The following STARD3 variants were observed in gnomAD, a reference collection of about 807,000 sequenced individuals.
The protein encoded by STARD3 is stAR-related lipid transfer protein 3.
Under a neutral mutation model 62.0 loss-of-function variants are expected in STARD3, and 39 were observed. The ratio of observed to expected loss-of-function variants is 0.63; its 90% CI spans 0.49 to 0.82. The LOEUF (loss-of-function observed/expected upper bound fraction) is 0.82. Ranked by LOEUF, STARD3 falls within the 40% of genes least tolerant of loss-of-function variation. STARD3 has a pLI of 0.00. For synonymous variants in STARD3, 229 were observed against 242.4 expected (o/e 0.94, Z 0.51); for missense variants, 543 against 584.5 (o/e 0.93, Z 0.73).
At chr17:39,658,166 T>C in intron 5 of STARD3, 140 bp downstream of exon 5, 1 of 1,027,462 alleles carries the variant, frequency 9.7e-7, no homozygotes, top group Admixed American at 2.0e-5. Context: ...CTTTGGTATC[T>C]ATAAGGAATC....
Position 39,642,840 on chromosome 17 carries a change from G to A in STARD3, c.-52+5609G>A, listed in dbSNP as rs940551662. Among the ~76,000 whole-genome samples, 7 of 152,252 alleles carry A rather than the reference G, an allele frequency of 4.6e-5. No individual in the cohort carries two copies. The East Asian group carries it at 1.2e-3, about 25-fold the overall frequency. On this transcript the variant is annotated intron_variant, in intron 1 of 14. Transcript: ENST00000336308. ...TGCAAAGACCTGGGGAGGAGCTCCC[G>A]ACAGAGCAGCAGGTGCAAGGGCCCT...
In STARD3 at chr17:39,658,391, C is replaced by T. The variant is rs2057155455; in HGVS notation, c.430-14C>T. The T allele has an allele frequency of 6.2e-7, 1 of 1,611,358 alleles. No individual in the cohort carries two copies. The highest frequency in any genetic ancestry group is 8.5e-7 in the Non-Finnish European group (1 of 1,177,806). On this transcript the variant is annotated splice_polypyrimidine_tract_variant and intron_variant, in intron 5 of 14. Transcript: ENST00000336308. ...GTGACCCCTGCCATGGAGCTCAGCC[C>T]CCTCCCTTCACAGCTGCTCAGCAAA...
intron 9 of STARD3, chr17:39,659,919 C>A: frequency 1.8e-6 from 1 of 546,648 alleles, no homozygotes. Flanking sequence ...GCCCCAGTCC[C>A]TCTCTCTGGC....
At chr17:39,652,235 G>T in intron 1 of STARD3, among the ~76,000 whole-genome samples, 1 of 152,172 alleles carries the variant, frequency 6.6e-6, no homozygotes, top group Middle Eastern at 3.2e-3. Flanking sequence ...CCCTGTTCCT[G>T]TCTGTTATGT....
chr17:39,642,385 C>T (rs931824618), intron 1 of STARD3, among the ~76,000 whole-genome samples: 5 of 152,174 alleles, frequency 3.3e-5, no homozygotes, highest in African/African-American at 9.7e-5. Flanking sequence ...GGGCTCTGGG[C>T]AGGGAAGACC....
intron 5 of STARD3, 58 bp from the exon 6 acceptor site, chr17:39,658,347 A>G (rs761845948): frequency 6.6e-7 from 1 of 1,514,426 alleles, no homozygotes; most frequent in Non-Finnish European, 9.1e-7. Context: ...TAGCCACAGA[A>G]GGGGGCTCTG....
intron 2 of STARD3, 51 bp from the exon 3 acceptor site, chr17:39,656,957 C>T (rs1327467243): frequency 1.3e-6 from 2 of 1,592,342 alleles, no homozygotes; most frequent in Non-Finnish European, 1.7e-6. Flanking sequence ...TGAGGGGCAG[C>T]CCCAGGCCCT....
intron 1 of STARD3, among the ~76,000 whole-genome samples, chr17:39,648,028 G>A (rs2057042752): frequency 6.6e-6 from 1 of 152,070 alleles, no homozygotes; most frequent in Non-Finnish European, 1.5e-5. Flanking sequence ...GCTCACACCT[G>A]TAATCCCAGC....
Position 39,653,755 on chromosome 17 carries a change from G to A in STARD3, c.219+5G>A. 6.2e-7 allele frequency: 1 copy of A among 1,613,942 alleles called. No individual in the cohort carries two copies. The highest frequency in any genetic ancestry group is 1.1e-5 in the South Asian group (1 of 91,088). On this transcript the variant is annotated splice_donor_5th_base_variant and intron_variant, in intron 2 of 14. Coordinates refer to ENST00000336308, the MANE Select transcript of STARD3 (RefSeq NM_006804.4). ...CTCTGGATCATCGAACTGAATGTGA[G>A]TGGGGGCGAGGTGGGGGCACAGGCC...
intron 8 of STARD3, 43 bp from the exon 9 acceptor site, chr17:39,659,418 C>A: frequency 6.3e-7 from 1 of 1,578,368 alleles, no homozygotes. Context: ...TGGTGGACTG[C>A]AGGCCCCAGG....
At chr17:39,649,473 A>G (rs2057056394) in intron 1 of STARD3, among the ~76,000 whole-genome samples, 1 of 152,252 alleles carries the variant, frequency 6.6e-6, no homozygotes. Flanking sequence ...ACAATGTAAA[A>G]CTGACATGGA....
intron 1 of STARD3, among the ~76,000 whole-genome samples, chr17:39,640,510 C>T (rs1597786206): frequency 6.7e-6 from 1 of 149,840 alleles, no homozygotes; most frequent in Admixed American, 6.6e-5. Context: ...TCCATCCCCC[C>T]AACCCCCCCA....
intron 2 of STARD3, among the ~76,000 whole-genome samples, chr17:39,654,389 G>A (rs1225723828): frequency 6.6e-6 from 1 of 152,176 alleles, no homozygotes. Flanking sequence ...GTGACAGAGT[G>A]AGACCCTGAC....
At chr17:39,658,167 A>G (rs757125717) in intron 5 of STARD3, 141 bp downstream of exon 5, 15 of 1,013,606 alleles carry the variant, frequency 1.5e-5, no homozygotes, top group South Asian at 5.6e-5. Flanking sequence ...TTTGGTATCT[A>G]TAAGGAATCA....
chr17:39,660,695 C>T lies in STARD3; in HGVS notation c.955-115C>T, dbSNP rs118144107. The T allele has an allele frequency of 0.016, 22,542 of 1,380,984 alleles. 250 individuals are homozygous for T. Among genetic ancestry groups the T allele is most frequent in the Non-Finnish European group, 0.02 (19,707 of 994,722 alleles). 85.5% of individuals were successfully genotyped at this position (1,380,984 alleles called of 1,614,324 possible). A position where few individuals can be genotyped will look rare whatever the true frequency, so the allele number is the denominator to read the frequency against. ...GAGGGCAGGAGGAGTGCTCATCAGGCGCTGCCCAGGGCCTGCCTGTGGCAA... is the reference window on the plus strand; with the variant it reads ...GAGGGCAGGAGGAGTGCTCATCAGGTGCTGCCCAGGGCCTGCCTGTGGCAA... On this transcript the variant is annotated intron_variant, in intron 11 of 14. Coordinates refer to ENST00000336308, the MANE Select transcript of STARD3 (RefSeq NM_006804.4). This position sits in a 1 kb window ranked among gnomAD's most constrained non-coding sequence, Gnocchi z 4.8.
chr17:39,642,915 G>A (rs1335593571), intron 1 of STARD3, among the ~76,000 whole-genome samples: 1 of 152,056 alleles, frequency 6.6e-6, no homozygotes, highest in Non-Finnish European at 1.5e-5. Flanking sequence ...GACCAGTGTG[G>A]CTGGAGTAGA....
chr17:39,642,304 G>A (rs1270785064), intron 1 of STARD3, among the ~76,000 whole-genome samples: 1 of 152,216 alleles, frequency 6.6e-6, no homozygotes, highest in Admixed American at 6.5e-5. Flanking sequence ...GGCTCAGGGA[G>A]GGGAGCAGAT....
intron 1 of STARD3, among the ~76,000 whole-genome samples, chr17:39,643,653 G>A (rs2056999743): frequency 6.6e-6 from 1 of 151,390 alleles, no homozygotes; most frequent in African/African-American, 2.5e-5. Flanking sequence ...CAGGGCCTCT[G>A]CCTTCTACCC....
Position 39,653,495 on chromosome 17 carries a change from C to T in STARD3, c.-37C>T. On this transcript the variant is annotated 5_prime_UTR_variant, in exon 2 of 15. Transcript: ENST00000336308. ...CTCGCCCCCAGCCCTGCTGCTGAGG[C>T]CGCGCCCTCCCCGCCCTGAGGTGGG... 1 of 1,592,162 alleles carries T rather than the reference C, an allele frequency of 6.3e-7. No homozygotes were observed. Among genetic ancestry groups the T allele is most frequent in the Non-Finnish European group, 8.5e-7 (1 of 1,174,920 alleles).
Sources: allele counts gnomAD v4.1 joint callset (sites outside exome capture counted in the v4.1 genomes callset), GRCh38; gene constraint gnomAD v4.1.1; non-coding constraint Gnocchi (gnomAD v3.1); transcripts MANE v1.5; gene names NCBI Gene and HGNC (gene_info 2026-07-23, HGNC 2026-07-21).